Variants in TRPC4 observed in about 807,000 individuals in gnomAD.
TRPC4 encodes transient receptor potential cation channel subfamily C member 4.
A neutral mutation model predicts 99.4 loss-of-function variants in TRPC4; 49 were observed. That is an observed-to-expected ratio of 0.49 (90% CI 0.39 to 0.63). The LOEUF is 0.63. Ranked by LOEUF, TRPC4 falls within the 20% of genes least tolerant of loss-of-function variation. The probability of loss-of-function intolerance (pLI) is 0.00; values close to 1 mark genes in which losing one functional copy is unlikely to be tolerated. For missense variants in TRPC4, 898 were observed against 1,152.9 expected (o/e 0.78, Z 3.20); for synonymous variants, 454 against 425.9 (o/e 1.07, Z -0.81).
chr13:37,767,415 A>G (rs1304501263), intron 2 of TRPC4, among the ~76,000 whole-genome samples: 1 of 151,266 alleles, frequency 6.6e-6, no homozygotes, highest in East Asian at 2.0e-4. Flanking sequence ...CTTTATATAC[A>G]TATATTTTTA....
chr13:37,715,202 C>T (rs899870303), intron 3 of TRPC4, among the ~76,000 whole-genome samples: 1 of 152,106 alleles, frequency 6.6e-6, no homozygotes, highest in African/African-American at 2.4e-5. Flanking sequence ...CTGGATATGG[C>T]TGGAAGGTAT....
At chr13:37,854,215 G>A (rs189613877) in intron 1 of TRPC4, among the ~76,000 whole-genome samples, 2 of 152,258 alleles carry the variant, frequency 1.3e-5, no homozygotes, top group African/African-American at 4.8e-5. Context: ...GTGAGTCCCA[G>A]TATGTCTGGC....
rs141494480 is a variant in TRPC4, at chr13:37,855,361, C to T, written c.-28+14234G>A. ...AGATATATATATATATATATATGCA[C>T]CTAATTCTAAAGCACCCAGATAGAA... On this transcript the variant is annotated intron_variant, in intron 1 of 10. Coordinates refer to ENST00000379705, the MANE Select transcript of TRPC4 (RefSeq NM_016179.4). 6.1e-4 allele frequency among the ~76,000 whole-genome samples: 75 copies of T among 122,676 alleles called. 1 individual carries two copies. The highest frequency in any genetic ancestry group is 2.1e-3 in the African/African-American group (67 of 31,664). 80.5% of individuals were successfully genotyped at this position (122,676 alleles called of 152,430 possible).
intron 2 of TRPC4, among the ~76,000 whole-genome samples, chr13:37,764,489 T>G (rs979337234): frequency 2.6e-5 from 4 of 151,354 alleles, no homozygotes; most frequent in African/African-American, 9.7e-5. Context: ...AGATGATGTT[T>G]TGTTTTTATG....
chr13:37,843,287 C>T (rs1345883559), intron 1 of TRPC4, among the ~76,000 whole-genome samples: 1 of 152,188 alleles, frequency 6.6e-6, no homozygotes, highest in Non-Finnish European at 1.5e-5. Flanking sequence ...ACTAGTCACT[C>T]ATCAAATGTT....
intron 1 of TRPC4, among the ~76,000 whole-genome samples, chr13:37,841,477 G>GA (rs1179172867): frequency 6.7e-6 from 1 of 149,910 alleles, no homozygotes; most frequent in Non-Finnish European, 1.5e-5. Flanking sequence ...CTACAGACTT[G>GA]AAAACATGTA....
intron 1 of TRPC4, among the ~76,000 whole-genome samples, chr13:37,868,298 T>TC (rs888935543): frequency 1.3e-5 from 2 of 151,704 alleles, no homozygotes; most frequent in African/African-American, 4.8e-5. Context: ...ATTGTTTTTT[T>TC]TCCCCCCTTA....
At chr13:37,641,885 T>C (rs890282657) in intron 8 of TRPC4, among the ~76,000 whole-genome samples, 2 of 152,218 alleles carry the variant, frequency 1.3e-5, no homozygotes, top group Non-Finnish European at 2.9e-5. Context: ...TTAGTTCTTG[T>C]CCTCTTTGCA....
intron 5 of TRPC4, among the ~76,000 whole-genome samples, chr13:37,673,108 G>A (rs964054169): frequency 2.7e-4 from 27 of 100,096 alleles, no homozygotes; most frequent in African/African-American, 7.9e-4. Context: ...CCCCCACCCC[G>A]CGACAGGCCC....
chr13:37,661,431 G>T (rs1327718212), intron 6 of TRPC4, among the ~76,000 whole-genome samples: 8 of 152,204 alleles, frequency 5.3e-5, no homozygotes, highest in Non-Finnish European at 7.3e-5. Context: ...AGGTGAGAAG[G>T]GTTGGGTCTG....
chr13:37,663,279 A>C, intron 6 of TRPC4, 137 bp downstream of exon 6: 1 of 709,460 alleles, frequency 1.4e-6, no homozygotes, highest in Non-Finnish European at 2.2e-6. Context: ...AGCCATGTTA[A>C]TTCTGTTTTC....
intron 4 of TRPC4, among the ~76,000 whole-genome samples, chr13:37,689,073 T>C (rs1342345481): frequency 6.6e-6 from 1 of 152,206 alleles, no homozygotes; most frequent in East Asian, 1.9e-4. Context: ...CTGATGTCTT[T>C]AGCCTGGCTC....
chr13:37,804,312 T>C (rs1679530618), intron 1 of TRPC4, among the ~76,000 whole-genome samples: 1 of 152,094 alleles, frequency 6.6e-6, no homozygotes, highest in South Asian at 2.1e-4. Flanking sequence ...ATGAGGAAAC[T>C]GAAGCACTGA....
At chr13:37,843,680 T>TCA (rs1958804031) in intron 1 of TRPC4, among the ~76,000 whole-genome samples, 1 of 106,222 alleles carries the variant, frequency 9.4e-6, no homozygotes, top group African/African-American at 4.2e-5. Context: ...TGATGTTTGG[T>TCA]GACACACACA....
intron 2 of TRPC4, among the ~76,000 whole-genome samples, chr13:37,767,900 C>T (rs1468300853): frequency 6.6e-6 from 1 of 151,178 alleles, no homozygotes; most frequent in African/African-American, 2.4e-5. Flanking sequence ...TAATTTATGC[C>T]TAATGAATAG....
intron 1 of TRPC4, among the ~76,000 whole-genome samples, chr13:37,787,635 A>C (rs1957005556): frequency 2.0e-5 from 3 of 152,086 alleles, no homozygotes; most frequent in Admixed American, 6.6e-5. Context: ...AAAAATTAAC[A>C]TGAATTTTCT....
intron 1 of TRPC4, among the ~76,000 whole-genome samples, chr13:37,835,524 C>T (rs1486131162): frequency 2.0e-5 from 3 of 152,182 alleles, no homozygotes; most frequent in African/African-American, 7.2e-5. Flanking sequence ...GTCTTTCCTC[C>T]TTCTCTGTCT....
chr13:37,711,742 T>C (rs983766442), intron 3 of TRPC4, among the ~76,000 whole-genome samples: 8 of 152,092 alleles, frequency 5.3e-5, no homozygotes, highest in African/African-American at 1.9e-4. Context: ...ACTATAGACA[T>C]TTAATGTATA....
intron 2 of TRPC4, among the ~76,000 whole-genome samples, chr13:37,750,442 A>G (rs2139185830): frequency 6.6e-6 from 1 of 151,700 alleles, no homozygotes; most frequent in Non-Finnish European, 1.5e-5. Flanking sequence ...CCATTTGCAA[A>G]TAACTTTTTT....
Sources: allele counts gnomAD v4.1 joint callset (sites outside exome capture counted in the v4.1 genomes callset), GRCh38; gene constraint gnomAD v4.1.1; transcripts MANE v1.5; gene names NCBI Gene and HGNC (gene_info 2026-07-23, HGNC 2026-07-21).